PTPRK: variants seen among roughly 807,000 people sequenced by gnomAD.
PTPRK encodes receptor-type tyrosine-protein phosphatase kappa.
A neutral mutation model predicts 178.0 loss-of-function variants in PTPRK; 75 were observed. The ratio of observed to expected loss-of-function variants is 0.42; its 90% CI spans 0.35 to 0.51. The LOEUF (loss-of-function observed/expected upper bound fraction) is 0.51, where lower values mean the gene tolerates loss of function less well. Ranked by LOEUF, PTPRK falls within the 20% of genes least tolerant of loss-of-function variation. PTPRK has a pLI of 0.02. For synonymous variants in PTPRK, 637 were observed against 620.6 expected (o/e 1.03, Z -0.39); for missense variants, 1,441 against 1,797.8 (o/e 0.80, Z 3.59).
intron 5 of PTPRK, among the ~76,000 whole-genome samples, chr6:128,228,658 TCA>T (rs1491161630): frequency 5.3e-5 from 1 of 18,886 alleles, no homozygotes; most frequent in Admixed American, 5.5e-4. Context: ...AGACTCCATC[TCA>T]AAAAAAAAAA....
intron 25 of PTPRK, 150 bp from the exon 26 acceptor site, chr6:127,977,204 T>G: frequency 6.6e-6 from 5 of 753,292 alleles, no homozygotes; most frequent in Non-Finnish European, 8.6e-6. Flanking sequence ...AACCATGGAA[T>G]AGGAGATTCA....
At chr6:128,453,278 A>C (rs1005041909) in intron 1 of PTPRK, among the ~76,000 whole-genome samples, 1 of 152,206 alleles carries the variant, frequency 6.6e-6, no homozygotes, top group Non-Finnish European at 1.5e-5. Context: ...CACTCTGAGA[A>C]GAGCAGAGAA....
chr6:128,288,951 C>T (rs1227383044), intron 3 of PTPRK, among the ~76,000 whole-genome samples: 1 of 152,038 alleles, frequency 6.6e-6, no homozygotes, highest in African/African-American at 2.4e-5. Context: ...ACTGCATTGG[C>T]TTTCTTCCAT....
chr6:128,425,744 TC>T (rs1844055540), intron 1 of PTPRK, among the ~76,000 whole-genome samples: 1 of 152,148 alleles, frequency 6.6e-6, no homozygotes, highest in Non-Finnish European at 1.5e-5. Context: ...CATCCACTTA[TC>T]TGGGAAGCTT....
rs1225283293 is a variant in PTPRK at position 128,047,150 on chromosome 6, T to C, written c.2194+17608A>G. 2.6e-5 allele frequency among the ~76,000 whole-genome samples: 4 copies of C among 152,212 alleles called. 1 individual carries two copies. Among genetic ancestry groups the C allele is most frequent in the Middle Eastern group, 6.3e-3 (2 of 316 alleles). ...TCAGTGCTGGTATGTCTTATGCATT[T>C]GGATTTTGGATAAAATCTTGCATGT... On this transcript the variant is annotated intron_variant, in intron 13 of 29. Transcript: ENST00000368226.
intron 1 of PTPRK, among the ~76,000 whole-genome samples, chr6:128,479,517 G>A (rs901370518): frequency 3.9e-5 from 6 of 152,094 alleles, no homozygotes; most frequent in Non-Finnish European, 7.4e-5. Flanking sequence ...CTGGCATAGG[G>A]CCTCTTTGTA....
intron 1 of PTPRK, among the ~76,000 whole-genome samples, chr6:128,499,798 A>G (rs9482889): frequency 0.28 from 42,234 of 152,108 alleles, 6,890 homozygotes; most frequent in African/African-American, 0.44. Context: ...CTTCCTCTAC[A>G]AAATGTATGA....
chr6:128,288,981 T>G (rs541024960), intron 3 of PTPRK, among the ~76,000 whole-genome samples: 1 of 152,266 alleles, frequency 6.6e-6, no homozygotes, highest in South Asian at 2.1e-4. Context: ...GAATCCCATG[T>G]TCAGCAATCC....
chr6:128,110,346 T>C (rs905289459), intron 7 of PTPRK, among the ~76,000 whole-genome samples: 1 of 152,154 alleles, frequency 6.6e-6, no homozygotes, highest in African/African-American at 2.4e-5. Context: ...CATTGTCTAA[T>C]GTCAAGGTAG....
rs989719175 is a variant in PTPRK at position 128,184,779 on chromosome 6, T to C, written c.869-54A>G. ...AGTAAGATTTAAAATAATACAAAGA[T>C]ATATTAGTGTCTAATAAGGCCTAAA... On this transcript the variant is annotated intron_variant, in intron 6 of 29. Coordinates refer to ENST00000368226, the MANE Select transcript of PTPRK (RefSeq NM_002844.4). 11 of 1,514,398 alleles carry C rather than the reference T, an allele frequency of 7.3e-6. No homozygotes were observed. In the African/African-American group the frequency reaches 1.5e-4, roughly 21 times the overall value. The allele number at this position is 1,514,398 out of a possible 1,614,324, so 93.8% of individuals were successfully genotyped here.
chr6:128,225,947 T>C (rs1270708978), intron 5 of PTPRK, among the ~76,000 whole-genome samples: 1 of 152,122 alleles, frequency 6.6e-6, no homozygotes, highest in African/African-American at 2.4e-5. Flanking sequence ...AGATAGCAAA[T>C]ACTAGAATCA....
chr6:128,290,003 A>C (rs1823112977), intron 3 of PTPRK, among the ~76,000 whole-genome samples: 1 of 152,150 alleles, frequency 6.6e-6, no homozygotes, highest in South Asian at 2.1e-4. Flanking sequence ...AAGCAGTAAC[A>C]CAATCAGATG....
chr6:128,291,165 T>A (rs1487088460), intron 3 of PTPRK, among the ~76,000 whole-genome samples: 1 of 151,936 alleles, frequency 6.6e-6, no homozygotes, highest in African/African-American at 2.4e-5. Flanking sequence ...AAAATAAGAC[T>A]CCGAAGCAAT....
At chr6:128,324,922 C>G (rs1174154420) in intron 2 of PTPRK, among the ~76,000 whole-genome samples, 1 of 152,148 alleles carries the variant, frequency 6.6e-6, no homozygotes, top group East Asian at 1.9e-4. Context: ...ATAACTGGCT[C>G]CCAATCCTTA....
chr6:128,043,524 A>G (rs1174811483), intron 13 of PTPRK, among the ~76,000 whole-genome samples: 2 of 55,862 alleles, frequency 3.6e-5, no homozygotes, highest in Non-Finnish European at 9.7e-5. Flanking sequence ...AAATTCACTT[A>G]TGACCAATAT....
At position 128,089,735 on chromosome 6, in the gene PTPRK, C is replaced by T; in HGVS notation, c.1420G>A (p.Gly474Arg). Residue 474 changes from glycine (G) to arginine (R), a missense_variant, in exon 8 of 30, where the codon GGA (glycine) becomes AGA (arginine). By Grantham distance (125) the Gly-to-Arg change is moderately radical. This residue lies in a region of PTPRK where 945 missense variants were observed against 1,080.6 expected (regional missense o/e 0.87). Coordinates refer to ENST00000368226, the MANE Select transcript of PTPRK (RefSeq NM_002844.4). ...ATTGTCTCTTCACTCTCCTTCCTTC[C>T]CTCTGGATTGGTTAGGATCATCTTG... The part of the protein sequence containing the change: ...SLKMILTNPE[G>R]RKESEETIIQ... 1 of 1,613,254 alleles carries T rather than the reference C, an allele frequency of 6.2e-7. No individual in the cohort carries two copies. The highest frequency in any genetic ancestry group is 8.5e-7 in the Non-Finnish European group (1 of 1,179,216).
chr6:128,129,608 TGA>T (rs1404387458), intron 7 of PTPRK, among the ~76,000 whole-genome samples: 13 of 152,142 alleles, frequency 8.5e-5, no homozygotes, highest in African/African-American at 3.1e-4. Context: ...ATCACTTTTC[TGA>T]GATACAGGAG....
At chr6:128,080,740 G>A (rs1784672546) in intron 10 of PTPRK, among the ~76,000 whole-genome samples, 1 of 151,752 alleles carries the variant, frequency 6.6e-6, no homozygotes, top group Non-Finnish European at 1.5e-5. Context: ...CGGACTCAGG[G>A]AATAAATTTG....
chr6:128,186,859 G>A (rs371775803), intron 6 of PTPRK, among the ~76,000 whole-genome samples: 12 of 152,062 alleles, frequency 7.9e-5, no homozygotes, highest in East Asian at 1.9e-4. Flanking sequence ...AATGTCTTCC[G>A]AGATTACCTA....
Sources: allele counts gnomAD v4.1 joint callset (sites outside exome capture counted in the v4.1 genomes callset), GRCh38; gene constraint gnomAD v4.1.1; regional missense constraint gnomAD v4.1.1; transcripts MANE v1.5; gene names NCBI Gene and HGNC (gene_info 2026-07-23, HGNC 2026-07-21).